KIF1B: variants seen among roughly 807,000 people sequenced by gnomAD.
The protein encoded by KIF1B is kinesin family member 1B.
In KIF1B, 76 loss-of-function variants were observed where a neutral mutation model predicts 241.9. The ratio of observed to expected loss-of-function variants is 0.31; its 90% CI spans 0.26 to 0.38. The LOEUF (loss-of-function observed/expected upper bound fraction) is 0.38, where lower values mean the gene tolerates loss of function less well. Ranked by LOEUF, KIF1B falls within the 10% of genes least tolerant of loss-of-function variation. The pLI is 1.00. For missense variants in KIF1B, 1,622 were observed against 2,271.4 expected (o/e 0.71, Z 5.81); for synonymous variants, 750 against 796.7 (o/e 0.94, Z 0.99).
intron 17 of KIF1B, 126 bp from the exon 18 acceptor site, chr1:10,294,960 T>C: frequency 4.0e-6 from 3 of 747,498 alleles, no homozygotes; most frequent in Non-Finnish European, 4.9e-6. Context: ...CAACTAGGGA[T>C]AAAAAGAAAT....
intron 2 of KIF1B, among the ~76,000 whole-genome samples, chr1:10,244,563 C>T (rs1254234877): frequency 1.3e-5 from 2 of 151,492 alleles, no homozygotes; most frequent in Admixed American, 1.3e-4. Flanking sequence ...CCGCCCGCCT[C>T]AGCCTCCCAA....
chr1:10,307,740 G>T, intron 22 of KIF1B: 1 of 1,032,756 alleles, frequency 9.7e-7, no homozygotes, highest in Non-Finnish European at 1.2e-6. Context: ...TGGGAAAAAA[G>T]TGTTTATTCT....
intron 27 of KIF1B, among the ~76,000 whole-genome samples, chr1:10,332,761 C>T (rs1338079184): frequency 3.3e-5 from 5 of 149,340 alleles, no homozygotes; most frequent in Non-Finnish European, 7.4e-5. Flanking sequence ...GTGATCGGCC[C>T]GCCTCGGCCT....
At chr1:10,317,071 T>A (rs1163162090) in intron 22 of KIF1B, among the ~76,000 whole-genome samples, 1 of 151,280 alleles carries the variant, frequency 6.6e-6, no homozygotes, top group Non-Finnish European at 1.5e-5. Context: ...CTTTGGGAGA[T>A]AATTTAACTT....
intron 37 of KIF1B, among the ~76,000 whole-genome samples, chr1:10,351,495 T>C (rs1380355843): frequency 6.6e-6 from 1 of 152,204 alleles, no homozygotes; most frequent in East Asian, 1.9e-4. Context: ...GCTTGACATA[T>C]GAGGGAACTG....
chr1:10,298,068 A>G (rs1020550755), intron 22 of KIF1B, among the ~76,000 whole-genome samples: 3 of 152,204 alleles, frequency 2.0e-5, no homozygotes, highest in Admixed American at 6.5e-5. Flanking sequence ...CAAACAACCA[A>G]TTTTGGTTAA....
At chr1:10,225,118 C>T (rs1646894016) in intron 1 of KIF1B, among the ~76,000 whole-genome samples, 1 of 152,174 alleles carries the variant, frequency 6.6e-6, no homozygotes, top group East Asian at 1.9e-4. Flanking sequence ...GCTGTGTGGC[C>T]TGGTTTTTAA....
At chr1:10,338,927 T>C (rs10492973) in intron 31 of KIF1B, among the ~76,000 whole-genome samples, 52,807 of 152,100 alleles carry the variant, frequency 0.35, 9,336 homozygotes, top group Admixed American at 0.38. Flanking sequence ...CAAGTTCATA[T>C]TACCAGTCTG....
At position 10,326,898 on chromosome 1, in the gene KIF1B, T is replaced by A. The variant is rs1651743503; in HGVS notation, c.2924+539T>A. Among the ~76,000 whole-genome samples the A allele has an allele frequency of 6.6e-6, 1 of 152,184 alleles. No individual in the cohort carries two copies. The highest frequency in any genetic ancestry group is 2.1e-4 in the South Asian group (1 of 4,832). On this transcript the variant is annotated intron_variant, in intron 27 of 48. Coordinates refer to ENST00000676179, the MANE Select transcript of KIF1B (RefSeq NM_001365951.3). This position sits in a 1 kb window ranked among gnomAD's most constrained non-coding sequence, Gnocchi z 5.2. ...TTAGTCTACTGAATCCTAAAAAGAA[T>A]CAGGAAAGTTAAGCTTCTCCTTTAC...
chr1:10,304,228 G>C (rs201647196), intron 22 of KIF1B: 17 of 1,614,078 alleles, frequency 1.1e-5, no homozygotes, highest in Admixed American at 1.7e-5. Context: ...AGCTTTTAAG[G>C]ATCCCCAGTT....
At position 10,303,771 on chromosome 1, in the gene KIF1B, A is replaced by T. The variant is rs754911117; in HGVS notation, c.2115+6525A>T. On this transcript the variant is annotated intron_variant, in intron 22 of 48. Transcript: ENST00000676179. The surrounding 1 kb of genome is among the most constrained non-coding windows in gnomAD (Gnocchi z 5.2). ...TGGAAAAAGTCTTGCCACTGATCGG[A>T]TCTCAGGAACAGAAAAGCCCAGGAA... 1.9e-6 allele frequency: 3 copies of T among 1,614,116 alleles called. No homozygotes were observed. The highest frequency in any genetic ancestry group is 2.7e-5 in the African/African-American group (2 of 74,946).
rs1265596035 is a variant in KIF1B, at chr1:10,363,275, TC to T, written c.4305-7del. ...AGATTAAACAATTGTTTTATTTTCT[TC>T]AAATAGGAATCGAGTCACTGGCATT... On this transcript the variant is annotated splice_polypyrimidine_tract_variant and splice_region_variant and intron_variant, in intron 40 of 48. Coordinates refer to ENST00000676179, the MANE Select transcript of KIF1B (RefSeq NM_001365951.3). The T allele has an allele frequency of 6.2e-7, 1 of 1,610,082 alleles. No individual in the cohort carries two copies. Among genetic ancestry groups the T allele is most frequent in the Admixed American group, 1.7e-5 (1 of 60,026 alleles).
Position 10,216,957 on chromosome 1 carries a change from CTTTTTTTTTTTTTTTTTTT to C in KIF1B, c.-80+6095_-80+6113del, listed in dbSNP as rs70998362. On this transcript the variant is annotated intron_variant, in intron 1 of 48. Coordinates refer to ENST00000676179, the MANE Select transcript of KIF1B (RefSeq NM_001365951.3). ...TTTCCCTGCAGTACTTGCCCATTTT[CTTTTTTTTTTTTTTTTTTT>C]TTTTTTTTTTTTTTTGAGACAGAGT... Among the ~76,000 whole-genome samples, 71 of 54,534 alleles carry C rather than the reference CTTTTTTTTTTTTTTTTTTT, an allele frequency of 1.3e-3. 1 individual carries two copies. The highest frequency in any genetic ancestry group is 1.8e-3 in the African/African-American group (27 of 15,230). The allele number at this position is 54,534 out of a possible 152,430, so 35.8% of individuals were successfully genotyped here.
At chr1:10,236,826 G>T (rs1433428642) in intron 2 of KIF1B, among the ~76,000 whole-genome samples, 1 of 150,640 alleles carries the variant, frequency 6.6e-6, no homozygotes, top group East Asian at 1.9e-4. Flanking sequence ...AAGTATTATT[G>T]GCTTGTTTTT....
At chr1:10,297,566 G>A (rs1332525422) in intron 22 of KIF1B, among the ~76,000 whole-genome samples, 1 of 152,144 alleles carries the variant, frequency 6.6e-6, no homozygotes, top group Non-Finnish European at 1.5e-5. Flanking sequence ...TTGCTTCAGT[G>A]GTGGTTCTTT....
At chr1:10,347,863 A>G in intron 36 of KIF1B, 36 bp downstream of exon 36, 1 of 1,499,574 alleles carries the variant, frequency 6.7e-7, no homozygotes, top group Non-Finnish European at 9.3e-7. Flanking sequence ...ATCGGAGGGA[A>G]CACTGAAAAG....
chr1:10,295,714 C>T lies in KIF1B; in HGVS notation c.1725C>T (p.His575=), dbSNP rs1214852327. ...RRQDIVLSGA[H]IKEEHCIFRS... ...AGGACATAGTGCTGAGCGGGGCTCA[C>T]ATTAAAGAAGAGCATTGTATCTTCC... Residue 575 remains histidine, a synonymous_variant, in exon 19 of 49, where the codon CAC becomes CAT. Transcript: ENST00000676179. 4 of 1,613,730 alleles carry T rather than the reference C, an allele frequency of 2.5e-6. No individual in the cohort carries two copies. Among genetic ancestry groups the T allele is most frequent in the Non-Finnish European group, 3.4e-6 (4 of 1,179,952 alleles).
chr1:10,346,104 C>T, intron 35 of KIF1B, 151 bp downstream of exon 35: 2 of 694,284 alleles, frequency 2.9e-6, no homozygotes, highest in East Asian at 2.8e-5. Flanking sequence ...AATAGAGATG[C>T]AGTCTTGTTA....
intron 22 of KIF1B, chr1:10,305,732 C>G (rs1258649530): frequency 9.5e-7 from 1 of 1,056,614 alleles, no homozygotes; most frequent in Non-Finnish European, 1.1e-6. Flanking sequence ...GTATCAATAC[C>G]TCATTTTATT....
Sources: allele counts gnomAD v4.1 joint callset (sites outside exome capture counted in the v4.1 genomes callset), GRCh38; gene constraint gnomAD v4.1.1; non-coding constraint Gnocchi (gnomAD v3.1); transcripts MANE v1.5; gene names NCBI Gene and HGNC (gene_info 2026-07-23, HGNC 2026-07-21).